NME8: variants seen among roughly 807,000 people sequenced by gnomAD.
The protein encoded by NME8 is protein NME8.
Under a neutral mutation model 82.3 loss-of-function variants are expected in NME8, and 72 were observed. That is an observed-to-expected ratio of 0.87 (90% CI 0.72 to 1.06). NME8 has a LOEUF of 1.06. Among genes scored for constraint, NME8 ranks in the 50% least tolerant of loss-of-function variants. NME8 has a pLI of 0.00. For synonymous variants in NME8, 267 were observed against 228.5 expected, an observed-to-expected ratio of 1.17 and a Z score of -1.52; for missense variants, 712 against 685.4, an observed-to-expected ratio of 1.04 and a Z score of -0.43.
chr7:37,857,471 T>C, intron 6 of NME8, 126 bp downstream of exon 6: 1 of 677,342 alleles, frequency 1.5e-6, no homozygotes, highest in Non-Finnish European at 2.6e-6. Flanking sequence ...TGCCTTATCT[T>C]TTCTTGACTA....
rs147025434 is a variant in NME8 at position 37,885,108 on chromosome 7, C to T, written c.1140-37C>T. On this transcript the variant is annotated intron_variant, in intron 13 of 17. Transcript: ENST00000199447. The stretch of plus-strand genomic sequence containing the variant: ...ATACATAATTAGCTACTGAGCTACA[C>T]TTCTTATTACCTCTTCTTTGTTTTC... 28 of 1,368,904 alleles carry T rather than the reference C, an allele frequency of 2.0e-5. No homozygotes were observed. In the African/African-American group the frequency reaches 3.6e-4, roughly 17 times the overall value. The allele number at this position is 1,368,904 out of a possible 1,614,324, so 84.8% of individuals were successfully genotyped here.
intron 6 of NME8, among the ~76,000 whole-genome samples, chr7:37,861,708 T>C (rs1218648416): frequency 6.6e-6 from 1 of 152,144 alleles, no homozygotes; most frequent in Non-Finnish European, 1.5e-5. Context: ...TTGGGAGGCC[T>C]ATCCAGAATT....
intron 7 of NME8, among the ~76,000 whole-genome samples, chr7:37,862,384 A>G (rs907324598): frequency 2.0e-5 from 3 of 152,216 alleles, no homozygotes; most frequent in Non-Finnish European, 4.4e-5. Flanking sequence ...ATGCATGTGT[A>G]TATATATTTA....
chr7:37,862,651 T>TC (rs1271348748), intron 7 of NME8, among the ~76,000 whole-genome samples: 1 of 151,800 alleles, frequency 6.6e-6, no homozygotes, highest in African/African-American at 2.4e-5. Context: ...AAATATTTTT[T>TC]TTTTAGTTAA....
intron 15 of NME8, among the ~76,000 whole-genome samples, chr7:37,889,342 C>A (rs1332053895): frequency 6.6e-6 from 1 of 151,350 alleles, no homozygotes; most frequent in African/African-American, 2.4e-5. Flanking sequence ...TTTCTCTTTT[C>A]TAACTACTAT....
rs763443385 is a variant in NME8, at chr7:37,876,852, GACA to G, written c.843_845del (p.Gln281del). 99 of 1,612,484 alleles carry G rather than the reference GACA, an allele frequency of 6.1e-5. No homozygotes were observed. The highest frequency in any genetic ancestry group is 8.0e-5 in the Non-Finnish European group (94 of 1,179,096). On this transcript the variant is annotated inframe_deletion, in exon 12 of 18. Transcript: ENST00000199447. Reference sequence around the variant, plus strand: ...GACAGTTTACAAGAATATCTGGAAAGACAACATTTAGCTCAGCTCTGTGACATT... The same window carrying G: ...GACAGTTTACAAGAATATCTGGAAAGACATTTAGCTCAGCTCTGTGACATT...
At chr7:37,897,184 A>C in intron 17 of NME8, 77 bp downstream of exon 17, 1 of 911,912 alleles carries the variant, frequency 1.1e-6, no homozygotes, top group Non-Finnish European at 1.7e-6. Context: ...CTGTCCTAAA[A>C]AGAGAAGAAC....
chr7:37,859,672 A>G (rs929019707), intron 6 of NME8, among the ~76,000 whole-genome samples: 1 of 152,164 alleles, frequency 6.6e-6, no homozygotes, highest in African/African-American at 2.4e-5. Flanking sequence ...GATCAGGTCT[A>G]TTGATGACTG....
At chr7:37,864,844 G>C (rs1784653149) in intron 9 of NME8, among the ~76,000 whole-genome samples, 2 of 152,128 alleles carry the variant, frequency 1.3e-5, no homozygotes, top group East Asian at 3.9e-4. Context: ...CAGGCAAAGA[G>C]AACTTGTGCA....
chr7:37,898,610 A>C (rs1785267511), intron 17 of NME8, among the ~76,000 whole-genome samples: 1 of 152,242 alleles, frequency 6.6e-6, no homozygotes, highest in Admixed American at 6.5e-5. Context: ...ATGAAATGTT[A>C]GACACAGAAG....
Position 37,900,275 on chromosome 7 carries a change from C to T in NME8, c.*47C>T, listed in dbSNP as rs1182550378. On this transcript the variant is annotated 3_prime_UTR_variant, in exon 18 of 18. Coordinates refer to ENST00000199447, the MANE Select transcript of NME8 (RefSeq NM_016616.5). Reference sequence around the variant, plus strand: ...GAGAAGATAATACATATGTTCACGTCAATATACAACCATTTGGCACAGCTT... The same window carrying T: ...GAGAAGATAATACATATGTTCACGTTAATATACAACCATTTGGCACAGCTT... 6.6e-6 allele frequency: 1 copy of T among 152,124 alleles called. No individual in the cohort carries two copies. The highest frequency in any genetic ancestry group is 1.5e-5 in the Non-Finnish European group (1 of 68,034). 9.4% of individuals were successfully genotyped at this position (152,124 alleles called of 1,614,324 possible). A position where few individuals can be genotyped will look rare whatever the true frequency, so the allele number is the denominator to read the frequency against.
At position 37,851,723 on chromosome 7, in the gene NME8, A is replaced by G. The variant is rs118163948; in HGVS notation, c.198+988A>G. Among the ~76,000 whole-genome samples, 354 of 152,126 alleles carry G rather than the reference A, an allele frequency of 2.3e-3. 3 individuals carry two copies. Among genetic ancestry groups the G allele is most frequent in the East Asian group, 6.8e-3 (35 of 5,174 alleles). The stretch of plus-strand genomic sequence containing the variant: ...TTTATATGTGTGGCTTATATAATAT[A>G]TTTATATTATATAGAAAAGCTCCCA... On this transcript the variant is annotated intron_variant, in intron 5 of 17. Coordinates refer to ENST00000199447, the MANE Select transcript of NME8 (RefSeq NM_016616.5).
chr7:37,899,906 C>T (rs372471262), intron 17 of NME8, among the ~76,000 whole-genome samples: 9 of 152,266 alleles, frequency 5.9e-5, no homozygotes, highest in African/African-American at 2.2e-4. Flanking sequence ...GAAGGAGCTG[C>T]ACAATCTGTC....
At chr7:37,858,950 G>A (rs1784555736) in intron 6 of NME8, among the ~76,000 whole-genome samples, 1 of 151,902 alleles carries the variant, frequency 6.6e-6, no homozygotes. Context: ...AAAGAGCTTG[G>A]CACTGTCTCA....
intron 16 of NME8, among the ~76,000 whole-genome samples, chr7:37,895,890 A>C (rs531483508): frequency 8.5e-5 from 13 of 152,318 alleles, no homozygotes; most frequent in African/African-American, 2.9e-4. Context: ...GCTGAACCAG[A>C]TAGCCTAGGT....
intron 15 of NME8, among the ~76,000 whole-genome samples, chr7:37,893,623 T>A (rs1361789988): frequency 6.6e-6 from 1 of 152,180 alleles, no homozygotes; most frequent in Non-Finnish European, 1.5e-5. Context: ...AAGGTCAGTG[T>A]CTCTGTGAAG....
chr7:37,858,240 T>A (rs1784542063), intron 6 of NME8, among the ~76,000 whole-genome samples: 1 of 152,316 alleles, frequency 6.6e-6, no homozygotes, highest in African/African-American at 2.4e-5. Flanking sequence ...GTTCCTCCAC[T>A]GTGGATATTT....
chr7:37,864,945 A>G lies in NME8; in HGVS notation c.528+524A>G, dbSNP rs115130458. ...AGGAAAGACTAGCCCCCATAATTCA[A>G]TCACCTCCCACTGGATTCCTCCCAC... is the stretch of plus-strand genomic sequence containing the variant. On this transcript the variant is annotated intron_variant, in intron 9 of 17. Coordinates refer to ENST00000199447, the MANE Select transcript of NME8 (RefSeq NM_016616.5). 5.0e-3 allele frequency among the ~76,000 whole-genome samples: 758 copies of G among 152,168 alleles called. 9 individuals are homozygous for G. Among genetic ancestry groups the G allele is most frequent in the African/African-American group, 0.016 (681 of 41,490 alleles).
Position 37,885,621 on chromosome 7 carries a change from A to G in NME8, c.1247+369A>G, listed in dbSNP as rs143885438. 4.1e-3 allele frequency among the ~76,000 whole-genome samples: 631 copies of G among 152,320 alleles called. 4 individuals carry two copies. Among genetic ancestry groups the G allele is most frequent in the African/African-American group, 0.013 (559 of 41,568 alleles). On this transcript the variant is annotated intron_variant, in intron 14 of 17. Transcript: ENST00000199447. ...TTAACTGATCATGAGTTTTAAGACA[A>G]TGATGACTAATTGAATATGTACTCT...
Sources: allele counts gnomAD v4.1 joint callset (sites outside exome capture counted in the v4.1 genomes callset), GRCh38; gene constraint gnomAD v4.1.1; transcripts MANE v1.5; gene names NCBI Gene and HGNC (gene_info 2026-07-23, HGNC 2026-07-21).